DNAH7: variants seen among roughly 807,000 people sequenced by gnomAD.
DNAH7 encodes the protein axonemal beta dynein heavy chain 7.
A neutral mutation model predicts 444.6 loss-of-function variants in DNAH7; 397 were observed. That is an observed-to-expected ratio of 0.89 (90% CI 0.82 to 0.97). The LOEUF (loss-of-function observed/expected upper bound fraction) is 0.97. Among genes scored for constraint, DNAH7 ranks in the 50% least tolerant of loss-of-function variants. The pLI is 0.00. For missense variants in DNAH7, 4,902 were observed against 4,800.8 expected (o/e 1.02, Z -0.62); for synonymous variants, 1,636 against 1,624.4 (o/e 1.01, Z -0.17).
intron 28 of DNAH7, among the ~76,000 whole-genome samples, chr2:195,899,890 C>G (rs1168992204): frequency 6.6e-6 from 1 of 152,128 alleles, no homozygotes; most frequent in African/African-American, 2.4e-5. Flanking sequence ...TGCTAGTCCA[C>G]AGTTGGCTGC....
At chr2:195,839,047 C>G (rs1400589434) in intron 47 of DNAH7, among the ~76,000 whole-genome samples, 1 of 151,690 alleles carries the variant, frequency 6.6e-6, no homozygotes, top group East Asian at 1.9e-4. Flanking sequence ...TTTCAAAATG[C>G]CATTCACTCA....
At chr2:196,049,088 C>T (rs79961269) in intron 3 of DNAH7, among the ~76,000 whole-genome samples, 5,617 of 152,232 alleles carry the variant, frequency 0.037, 138 homozygotes, top group East Asian at 0.09. Context: ...CCCAGACAGT[C>T]GGATTTTAAA....
At chr2:195,883,162 ACCTGG>A (rs1701502632) in intron 35 of DNAH7, among the ~76,000 whole-genome samples, 1 of 152,048 alleles carries the variant, frequency 6.6e-6, no homozygotes, top group South Asian at 2.1e-4. Flanking sequence ...GAATCAGAAA[ACCTGG>A]CCGGGCACGG....
intron 35 of DNAH7, among the ~76,000 whole-genome samples, chr2:195,884,375 C>T (rs770552440): frequency 6.6e-6 from 1 of 152,198 alleles, no homozygotes; most frequent in Non-Finnish European, 1.5e-5. Flanking sequence ...GAGAAATCAA[C>T]TAGTCCATGG....
At chr2:195,907,080 A>G in intron 25 of DNAH7, 71 bp from the exon 26 acceptor site, 2 of 1,192,874 alleles carry the variant, frequency 1.7e-6, no homozygotes, top group Admixed American at 2.2e-5. Flanking sequence ...TTGTATTTTC[A>G]CCTGATCTTT....
At chr2:196,015,324 T>A (rs1224111851) in intron 9 of DNAH7, among the ~76,000 whole-genome samples, 2 of 152,196 alleles carry the variant, frequency 1.3e-5, no homozygotes, top group African/African-American at 4.8e-5. Context: ...TTCATTTGTA[T>A]CCTGTGTGCT....
intron 51 of DNAH7, among the ~76,000 whole-genome samples, chr2:195,813,615 G>A (rs1204485093): frequency 6.6e-6 from 1 of 152,176 alleles, no homozygotes; most frequent in African/African-American, 2.4e-5. Flanking sequence ...CACTTCAATT[G>A]CCAAGTAAAG....
At chr2:195,972,126 A>C (rs1691885766) in intron 16 of DNAH7, 116 bp downstream of exon 16, 3 of 756,928 alleles carry the variant, frequency 4.0e-6, no homozygotes, top group Non-Finnish European at 6.3e-6. Context: ...TTATAGCATT[A>C]TAGTATGAGA....
At chr2:195,948,267 T>C (rs1689961900) in intron 19 of DNAH7, among the ~76,000 whole-genome samples, 1 of 152,228 alleles carries the variant, frequency 6.6e-6, no homozygotes, top group African/African-American at 2.4e-5. Flanking sequence ...TGATAGTTTA[T>C]TTTGCTGTGC....
At chr2:195,975,558 G>C (rs926868590) in intron 15 of DNAH7, among the ~76,000 whole-genome samples, 1 of 151,928 alleles carries the variant, frequency 6.6e-6, no homozygotes, top group Non-Finnish European at 1.5e-5. Flanking sequence ...CAGTGGGCTT[G>C]AGGTGCACAT....
At chr2:195,978,606 C>G (rs140426839) in intron 15 of DNAH7, among the ~76,000 whole-genome samples, 1 of 152,020 alleles carries the variant, frequency 6.6e-6, no homozygotes, top group Non-Finnish European at 1.5e-5. Context: ...ATGGACTAAA[C>G]TCTCCAATCA....
At chr2:196,028,951 A>G (rs1363146982) in intron 5 of DNAH7, among the ~76,000 whole-genome samples, 1 of 152,208 alleles carries the variant, frequency 6.6e-6, no homozygotes, top group Non-Finnish European at 1.5e-5. Flanking sequence ...AATTTTACAT[A>G]TTCTTTTCAA....
At chr2:195,748,693 C>G (rs1275321194) in intron 63 of DNAH7, among the ~76,000 whole-genome samples, 1 of 152,176 alleles carries the variant, frequency 6.6e-6, no homozygotes, top group Non-Finnish European at 1.5e-5. Context: ...TTATCTACAA[C>G]TATCTGATCT....
At chr2:196,067,487 T>G (rs13400291) in intron 1 of DNAH7, among the ~76,000 whole-genome samples, 8,481 of 152,286 alleles carry the variant, frequency 0.056, 375 homozygotes, top group African/African-American at 0.13. Context: ...TGTCATTTAC[T>G]CTTTTATTAT....
chr2:195,897,818 T>G, intron 28 of DNAH7, 53 bp from the exon 29 acceptor site: 1 of 1,056,008 alleles, frequency 9.5e-7, no homozygotes, highest in Non-Finnish European at 1.4e-6. Flanking sequence ...TAACAGCACC[T>G]ACCCGCTTCG....
At chr2:195,979,667 T>A (rs896956018) in intron 15 of DNAH7, among the ~76,000 whole-genome samples, 1 of 151,862 alleles carries the variant, frequency 6.6e-6, no homozygotes, top group Non-Finnish European at 1.5e-5. Flanking sequence ...TACCAAAAGA[T>A]GAACTGAAAA....
At chr2:195,960,190 A>C in intron 18 of DNAH7, 70 bp downstream of exon 18, 1 of 1,283,156 alleles carries the variant, frequency 7.8e-7, no homozygotes, top group Admixed American at 2.4e-5. Context: ...AATTCTCAAA[A>C]GAACTTTACA....
chr2:195,830,006 T>C (rs1221817652), intron 48 of DNAH7, among the ~76,000 whole-genome samples: 3 of 152,112 alleles, frequency 2.0e-5, no homozygotes, highest in East Asian at 1.9e-4. Flanking sequence ...TATAGGTACA[T>C]GAATTACCCA....
chr2:196,045,270 T>G (rs1391398094), intron 5 of DNAH7, among the ~76,000 whole-genome samples: 22 of 108,038 alleles, frequency 2.0e-4, no homozygotes, highest in Middle Eastern at 7.8e-3. Context: ...GGGAAGGGAA[T>G]GAAAGGGAAG....
Sources: allele counts gnomAD v4.1 joint callset (sites outside exome capture counted in the v4.1 genomes callset), GRCh38; gene constraint gnomAD v4.1.1; transcripts MANE v1.5; gene names NCBI Gene and HGNC (gene_info 2026-07-23, HGNC 2026-07-21).